Variants in PRELID2 observed in about 807,000 individuals in gnomAD.
The protein encoded by PRELID2 is PRELI domain-containing protein 2.
Under a neutral mutation model 28.4 loss-of-function variants are expected in PRELID2, and 25 were observed. The ratio of observed to expected loss-of-function variants is 0.88; its 90% CI spans 0.64 to 1.23. The LOEUF (loss-of-function observed/expected upper bound fraction) is 1.23. Among genes scored for constraint, PRELID2 ranks in the 50% most tolerant of loss-of-function variants. The pLI, the probability that PRELID2 is intolerant of heterozygous loss-of-function variation, is 0.00. For missense variants in PRELID2, 201 were observed against 214.4 expected (o/e 0.94, Z 0.39); for synonymous variants, 76 against 71.6 (o/e 1.06, Z -0.31).
the PRELID2 span, among the ~76,000 whole-genome samples, chr5:145,327,214 G>T: frequency 4.6e-5 from 7 of 151,886 alleles, no homozygotes; most frequent in Non-Finnish European, 1.0e-4. Flanking sequence ...TGAAAACAGG[G>T]TATTGAATTC....
chr5:145,819,753 G>T lies in PRELID2; in HGVS notation c.207+192C>A, dbSNP rs1438238460. 8.4e-6 allele frequency: 5 copies of T among 598,026 alleles called. No homozygotes were observed. In the Admixed American group the frequency reaches 1.7e-4, roughly 21 times the overall value. The allele number at this position is 598,026 out of a possible 1,614,324, so 37.0% of individuals were successfully genotyped here. ...TTAAGAGTTCTTCACAAGACAGAGA[G>T]ACAAAGTATCTCCAGTGGCATCTGC... On this transcript the variant is annotated intron_variant, in intron 3 of 6. Transcript: ENST00000683046.
At chr5:145,334,892 C>T in the PRELID2 span, among the ~76,000 whole-genome samples, 404 of 151,292 alleles carry the variant, frequency 2.7e-3, no homozygotes, top group Middle Eastern at 6.8e-3. Flanking sequence ...AGTTGCTTTA[C>T]TCTTCCTGCT....
the PRELID2 span, among the ~76,000 whole-genome samples, chr5:145,420,170 C>A: frequency 3.2e-3 from 487 of 152,208 alleles, 4 homozygotes; most frequent in African/African-American, 0.011. Flanking sequence ...AGTGTGATGC[C>A]TCCAGCTTTG....
chr5:145,290,464 G>T, the PRELID2 span, among the ~76,000 whole-genome samples: 1 of 151,964 alleles, frequency 6.6e-6, no homozygotes, highest in Non-Finnish European at 1.5e-5. Context: ...CGTGGATGAA[G>T]CTGGAAACCA....
the PRELID2 span, among the ~76,000 whole-genome samples, chr5:145,305,806 C>G: frequency 2.4e-4 from 36 of 152,244 alleles, no homozygotes; most frequent in African/African-American, 7.9e-4. Flanking sequence ...TAACTCCAAA[C>G]AGTTACTCTC....
rs1403400868 is a variant in PRELID2, at chr5:145,835,176, C to A, written c.75+1G>T. 6.5e-7 allele frequency: 1 copy of A among 1,547,344 alleles called. No individual in the cohort carries two copies. The highest frequency in any genetic ancestry group is 1.2e-5 in the South Asian group (1 of 83,816). On this transcript the variant is annotated splice_donor_variant, in intron 1 of 6. Coordinates refer to ENST00000683046, the MANE Select transcript of PRELID2 (RefSeq NM_205846.3). LOFTEE classifies it high-confidence loss of function. Reference sequence around the variant, plus strand: ...TACGGAAGGTGGAAGCGGGGCGGTACCTTTCGGAGAAAGCTGGCGACCACC... The same window carrying A: ...TACGGAAGGTGGAAGCGGGGCGGTAACTTTCGGAGAAAGCTGGCGACCACC...
At chr5:145,335,333 T>C in the PRELID2 span, among the ~76,000 whole-genome samples, 1 of 152,042 alleles carries the variant, frequency 6.6e-6, no homozygotes, top group Non-Finnish European at 1.5e-5. Flanking sequence ...TTATATCTCT[T>C]TGTATAACTT....
intron 1 of PRELID2, among the ~76,000 whole-genome samples, chr5:145,513,568 A>T (rs1396177129): frequency 1.3e-5 from 2 of 152,204 alleles, no homozygotes; most frequent in African/African-American, 4.8e-5. Context: ...ACTCTTCAGG[A>T]TAACATCCAG....
intron 1 of PRELID2, among the ~76,000 whole-genome samples, chr5:145,741,852 T>G (rs1196464986): frequency 9.4e-5 from 3 of 32,042 alleles, no homozygotes; most frequent in Non-Finnish European, 1.3e-4. Flanking sequence ...TATAAAACAT[T>G]TTTATAATTT....
At chr5:145,697,958 T>C (rs1182243748) in intron 1 of PRELID2, among the ~76,000 whole-genome samples, 1 of 151,720 alleles carries the variant, frequency 6.6e-6, no homozygotes, top group Non-Finnish European at 1.5e-5. Context: ...AGCTTACATA[T>C]GAGAACTGTG....
the PRELID2 span, among the ~76,000 whole-genome samples, chr5:145,337,744 C>T: frequency 7.0e-6 from 1 of 142,902 alleles, no homozygotes; most frequent in African/African-American, 2.6e-5. Context: ...CACACACACA[C>T]ACACACACAC....
At chr5:145,639,101 A>G (rs150622722) in intron 1 of PRELID2, among the ~76,000 whole-genome samples, 1 of 152,238 alleles carries the variant, frequency 6.6e-6, no homozygotes, top group Non-Finnish European at 1.5e-5. Flanking sequence ...TTCCCAAAAC[A>G]TATAACTCTA....
chr5:145,522,228 G>T (rs1752568474), intron 1 of PRELID2, among the ~76,000 whole-genome samples: 1 of 152,002 alleles, frequency 6.6e-6, no homozygotes, highest in Non-Finnish European at 1.5e-5. Context: ...CCATTTATTT[G>T]AACTATATCT....
chr5:145,659,371 C>T (rs1243212552), intron 1 of PRELID2, among the ~76,000 whole-genome samples: 2 of 152,182 alleles, frequency 1.3e-5, no homozygotes, highest in African/African-American at 2.4e-5. Flanking sequence ...CCTATGTGTA[C>T]ATTTATTTCA....
intron 1 of PRELID2, among the ~76,000 whole-genome samples, chr5:145,563,833 T>G (rs1752943536): frequency 6.6e-6 from 1 of 151,998 alleles, no homozygotes; most frequent in Non-Finnish European, 1.5e-5. Flanking sequence ...ATACAATGAG[T>G]AAGTCTAGAC....
At chr5:145,689,415 C>T (rs1479192931) in intron 1 of PRELID2, among the ~76,000 whole-genome samples, 1 of 152,212 alleles carries the variant, frequency 6.6e-6, no homozygotes, top group Admixed American at 6.5e-5. Flanking sequence ...CCCTGTTCCT[C>T]CTCTAGTTTC....
At chr5:145,427,918 G>A in the PRELID2 span, among the ~76,000 whole-genome samples, 2 of 152,038 alleles carry the variant, frequency 1.3e-5, no homozygotes, top group Non-Finnish European at 2.9e-5. Context: ...AGATGCCAGT[G>A]GATCTCAAGT....
At chr5:145,612,361 G>A (rs1400967127) in intron 1 of PRELID2, among the ~76,000 whole-genome samples, 2 of 152,030 alleles carry the variant, frequency 1.3e-5, no homozygotes, top group Non-Finnish European at 2.9e-5. Flanking sequence ...CAGAATAGGA[G>A]AAAACATTGG....
At chr5:145,580,490 A>C (rs1753099326) in intron 1 of PRELID2, among the ~76,000 whole-genome samples, 1 of 151,984 alleles carries the variant, frequency 6.6e-6, no homozygotes, top group Non-Finnish European at 1.5e-5. Context: ...GCCTAAGCTA[A>C]GTTTCTTAGG....
Sources: allele counts gnomAD v4.1 joint callset (sites outside exome capture counted in the v4.1 genomes callset), GRCh38; gene constraint gnomAD v4.1.1; transcripts MANE v1.5; gene names NCBI Gene and HGNC (gene_info 2026-07-23, HGNC 2026-07-21).